PCDH9: variants seen among roughly 807,000 people sequenced by gnomAD.
PCDH9 encodes the protein protocadherin 9.
A neutral mutation model predicts 70.6 loss-of-function variants in PCDH9; 24 were observed. The observed-to-expected ratio is 0.34, with a 90% CI of 0.25 to 0.48. The LOEUF (loss-of-function observed/expected upper bound fraction) is 0.48. Ranked by LOEUF, PCDH9 falls within the 20% of genes least tolerant of loss-of-function variation. PCDH9 has a pLI of 0.99. For missense variants in PCDH9, 1,281 were observed against 1,503.6 expected, an observed-to-expected ratio of 0.85 and a Z score of 2.45; for synonymous variants, 562 against 558.5, an observed-to-expected ratio of 1.01 and a Z score of -0.09.
chr13:66,738,181 A>G (rs2139192257), intron 3 of PCDH9, among the ~76,000 whole-genome samples: 1 of 151,890 alleles, frequency 6.6e-6, no homozygotes, highest in East Asian at 2.0e-4. Context: ...TGGGTCCCTG[A>G]CCCCTGACCC....
chr13:66,828,614 A>G (rs2080865740), intron 3 of PCDH9, among the ~76,000 whole-genome samples: 1 of 152,186 alleles, frequency 6.6e-6, no homozygotes, highest in African/African-American at 2.4e-5. Flanking sequence ...GAACAGCAGA[A>G]CAAAGCTAAA....
chr13:66,838,689 G>A (rs1354473067), intron 3 of PCDH9, among the ~76,000 whole-genome samples: 1 of 151,984 alleles, frequency 6.6e-6, no homozygotes. Context: ...AAATGTATGA[G>A]TTTATAGCCA....
intron 4 of PCDH9, among the ~76,000 whole-genome samples, chr13:66,564,359 T>C (rs1209165867): frequency 1.3e-5 from 2 of 148,702 alleles, no homozygotes; most frequent in East Asian, 4.0e-4. Flanking sequence ...AGAGATGAGG[T>C]CTTACCTTTT....
chr13:66,778,705 T>C (rs796236222), intron 3 of PCDH9, among the ~76,000 whole-genome samples: 6 of 152,354 alleles, frequency 3.9e-5, no homozygotes, highest in African/African-American at 1.4e-4. Flanking sequence ...AGACTACACA[T>C]ATGTGACATG....
At chr13:66,917,999 T>C (rs928121294) in intron 2 of PCDH9, among the ~76,000 whole-genome samples, 1 of 151,242 alleles carries the variant, frequency 6.6e-6, no homozygotes, top group Non-Finnish European at 1.5e-5. Context: ...TGTCATGAAC[T>C]GTGTATGGTT....
chr13:66,433,794 T>A (rs1029314916), intron 4 of PCDH9, among the ~76,000 whole-genome samples: 27 of 151,918 alleles, frequency 1.8e-4, no homozygotes, highest in Admixed American at 1.4e-3. Flanking sequence ...TATACTCTCA[T>A]ATTAGGAATA....
chr13:66,894,220 G>A lies in PCDH9; in HGVS notation c.3138+9284C>T, dbSNP rs2082139903. 2.6e-5 allele frequency among the ~76,000 whole-genome samples: 4 copies of A among 151,674 alleles called. No homozygotes were observed. The South Asian group carries it at 8.3e-4, about 32-fold the overall frequency. On this transcript the variant is annotated intron_variant, in intron 3 of 4. Coordinates refer to ENST00000377865, the MANE Select transcript of PCDH9 (RefSeq NM_203487.3). ...CGTTGCTTACTTCATTCTTTTTAAC[G>A]ACTTAATCTGTATTTAATATATGCA...
In PCDH9 at chr13:67,227,117, A is replaced by G; in HGVS notation, c.1324T>C (p.Ser442Pro). The G allele has an allele frequency of 6.2e-7, 1 of 1,614,040 alleles. No homozygotes were observed. The highest frequency in any genetic ancestry group is 8.5e-7 in the Non-Finnish European group (1 of 1,179,924). Residue 442 changes from serine to proline, a missense_variant, in exon 2 of 5, where the codon TCT becomes CCT. Around this residue, in one of 4 missense-constraint regions of PCDH9, gnomAD observed 798 missense variants for 1,003.1 expected, o/e 0.80. Coordinates refer to ENST00000377865, the MANE Select transcript of PCDH9 (RefSeq NM_203487.3). This position sits in a 1 kb window ranked among gnomAD's most constrained non-coding sequence, Gnocchi z 4.6. ...TKEFSFKIVA[S>P]DSGKPSLNQT... ...TTTAAACTGGGCTTCCCAGAATCAGAGGCAACAATTTTAAAGCTGAATTCT... is the reference window on the plus strand; with the variant it reads ...TTTAAACTGGGCTTCCCAGAATCAGGGGCAACAATTTTAAAGCTGAATTCT...
At position 67,140,429 on chromosome 13, in the gene PCDH9, A is replaced by G. The variant is rs533626686; in HGVS notation, c.3036+84976T>C. ...ATTCAAGTGCTTTGATTTAGAAATC[A>G]GAAAACCCAAGAGAATGATAATGAC... On this transcript the variant is annotated intron_variant, in intron 2 of 4. Coordinates refer to ENST00000377865, the MANE Select transcript of PCDH9 (RefSeq NM_203487.3). 1.5e-3 allele frequency among the ~76,000 whole-genome samples: 232 copies of G among 152,338 alleles called. 1 individual carries two copies. The highest frequency in any genetic ancestry group is 5.3e-3 in the African/African-American group (219 of 41,586).
chr13:66,324,472 T>G (rs1955807746), intron 4 of PCDH9, among the ~76,000 whole-genome samples: 2 of 152,160 alleles, frequency 1.3e-5, no homozygotes, highest in Middle Eastern at 6.8e-3. Context: ...ATTTAGAGCT[T>G]CTAATTCCAA....
At chr13:67,048,866 T>C (rs2085271609) in intron 2 of PCDH9, among the ~76,000 whole-genome samples, 1 of 152,172 alleles carries the variant, frequency 6.6e-6, no homozygotes, top group South Asian at 2.1e-4. Flanking sequence ...TCTTCTGTTA[T>C]ACCGGCAGGC....
chr13:66,903,907 T>C (rs1470498487), intron 2 of PCDH9, among the ~76,000 whole-genome samples: 1 of 152,038 alleles, frequency 6.6e-6, no homozygotes, highest in Non-Finnish European at 1.5e-5. Flanking sequence ...AGCTAAAAGT[T>C]ATACGGTGCT....
At chr13:67,033,763 G>A in intron 2 of PCDH9, among the ~76,000 whole-genome samples, 1 of 152,146 alleles carries the variant, frequency 6.6e-6, no homozygotes, top group African/African-American at 2.4e-5. Context: ...AGAAGAGTTG[G>A]TTGAGTATTT....
chr13:66,933,494 C>T (rs968634009), intron 2 of PCDH9, among the ~76,000 whole-genome samples: 4 of 152,182 alleles, frequency 2.6e-5, no homozygotes, highest in African/African-American at 9.6e-5. Context: ...CTGGGAAGAA[C>T]TTCAAACTTT....
intron 4 of PCDH9, among the ~76,000 whole-genome samples, chr13:66,503,498 T>A (rs1316815444): frequency 6.6e-6 from 1 of 152,238 alleles, no homozygotes; most frequent in Admixed American, 6.5e-5. Flanking sequence ...TACTAGTGTT[T>A]ATTTTTTCTT....
chr13:66,824,348 T>C (rs890714019), intron 3 of PCDH9, among the ~76,000 whole-genome samples: 4 of 100,266 alleles, frequency 4.0e-5, no homozygotes, highest in African/African-American at 1.1e-4. Context: ...TATATATATA[T>C]AGTTAAATGT....
intron 2 of PCDH9, among the ~76,000 whole-genome samples, chr13:67,019,992 A>C (rs2084643501): frequency 6.6e-6 from 1 of 152,242 alleles, no homozygotes; most frequent in South Asian, 2.1e-4. Flanking sequence ...CTTTAGCTAT[A>C]AAATTATTTT....
intron 3 of PCDH9, among the ~76,000 whole-genome samples, chr13:66,816,560 T>C (rs1244407757): frequency 6.6e-6 from 1 of 152,214 alleles, no homozygotes; most frequent in Non-Finnish European, 1.5e-5. Context: ...TCTCCAGGCT[T>C]GTGCACATCC....
intron 2 of PCDH9, among the ~76,000 whole-genome samples, chr13:67,159,982 G>C (rs1247599261): frequency 6.6e-6 from 1 of 152,126 alleles, no homozygotes; most frequent in African/African-American, 2.4e-5. Context: ...AGAAACTCCT[G>C]ATATGAACTT....
Sources: allele counts gnomAD v4.1 joint callset (sites outside exome capture counted in the v4.1 genomes callset), GRCh38; gene constraint gnomAD v4.1.1; regional missense constraint gnomAD v4.1.1; non-coding constraint Gnocchi (gnomAD v3.1); transcripts MANE v1.5; gene names NCBI Gene and HGNC (gene_info 2026-07-23, HGNC 2026-07-21).